Variants in PCDH7 observed in about 807,000 individuals in gnomAD.
PCDH7 encodes the protein protocadherin-7.
PCDH7 carries 17 observed loss-of-function variants against 58.9 expected under a neutral mutation model. The observed-to-expected ratio is 0.29, with a 90% CI of 0.20 to 0.43. PCDH7 has a LOEUF of 0.43. Ranked by LOEUF, PCDH7 falls within the 20% of genes least tolerant of loss-of-function variation. The pLI, the probability that PCDH7 is intolerant of heterozygous loss-of-function variation, is 1.00. For missense variants in PCDH7, 1,274 were observed against 1,441.0 expected (o/e 0.88, Z 1.88); for synonymous variants, 664 against 616.4 (o/e 1.08, Z -1.14).
chr4:31,082,904 C>G (rs567778831), intron 3 of PCDH7, among the ~76,000 whole-genome samples: 40 of 152,122 alleles, frequency 2.6e-4, no homozygotes, highest in South Asian at 8.3e-4. Flanking sequence ...GTCAGGAGAT[C>G]GAGACCATCC....
At chr4:30,729,889 C>T (rs1715234575) in intron 1 of PCDH7, among the ~76,000 whole-genome samples, 1 of 151,734 alleles carries the variant, frequency 6.6e-6, no homozygotes, top group South Asian at 2.1e-4. Context: ...GGCAGTTAAC[C>T]AATCTAGTGT....
intron 1 of PCDH7, among the ~76,000 whole-genome samples, chr4:30,787,781 G>C (rs1051199574): frequency 6.6e-6 from 1 of 152,024 alleles, no homozygotes; most frequent in Non-Finnish European, 1.5e-5. Context: ...ACTTATGTGT[G>C]CGTGTACAAG....
rs80328539 is a variant in PCDH7, at chr4:30,900,467, A to G, written c.71-19686A>G. On this transcript the variant is annotated intron_variant, in intron 1 of 3. Coordinates refer to the PCDH7 transcript ENST00000509759. ...GAGATAAAATTTATATTCTTGAAATATATACTACTTATGAAAGATTTTCTT... is the reference window on the plus strand; with the variant it reads ...GAGATAAAATTTATATTCTTGAAATGTATACTACTTATGAAAGATTTTCTT... Among the ~76,000 whole-genome samples, 254 of 152,278 alleles carry G rather than the reference A, an allele frequency of 1.7e-3. 1 individual carries two copies. The highest frequency in any genetic ancestry group is 5.8e-3 in the African/African-American group (240 of 41,546).
intron 3 of PCDH7, among the ~76,000 whole-genome samples, chr4:30,971,132 G>A (rs1042049022): frequency 6.6e-5 from 10 of 152,190 alleles, no homozygotes; most frequent in Non-Finnish European, 1.3e-4. Flanking sequence ...TTACAACTGT[G>A]TTAAGTTGAA....
intron 3 of PCDH7, among the ~76,000 whole-genome samples, chr4:31,083,169 G>T (rs1711833901): frequency 6.6e-6 from 1 of 151,994 alleles, no homozygotes; most frequent in African/African-American, 2.4e-5. Flanking sequence ...ACACTACTCA[G>T]GGGGCAGGTG....
At chr4:30,751,548 A>G (rs1718523648) in intron 1 of PCDH7, among the ~76,000 whole-genome samples, 1 of 152,182 alleles carries the variant, frequency 6.6e-6, no homozygotes, top group Non-Finnish European at 1.5e-5. Context: ...GAAAGTTTAT[A>G]GGTTATATAA....
chr4:30,926,869 A>G (rs1303552041), intron 2 of PCDH7, among the ~76,000 whole-genome samples: 9 of 152,204 alleles, frequency 5.9e-5, no homozygotes, highest in African/African-American at 2.4e-5. Context: ...GCTGCAAATT[A>G]TTCACATTAA....
intron 3 of PCDH7, among the ~76,000 whole-genome samples, chr4:31,074,719 A>G (rs6813610): frequency 0.13 from 16,867 of 130,158 alleles, 1,198 homozygotes; most frequent in East Asian, 0.28. Flanking sequence ...GGGGAGGTGG[A>G]GGTTGCAGTG....
intron 1 of PCDH7, among the ~76,000 whole-genome samples, chr4:30,884,288 C>A (rs1440269075): frequency 6.6e-6 from 1 of 152,052 alleles, no homozygotes; most frequent in Non-Finnish European, 1.5e-5. Context: ...AAGTATTTTG[C>A]ACAAGGTTAT....
chr4:31,008,594 T>A (rs1055224168), intron 3 of PCDH7, among the ~76,000 whole-genome samples: 1 of 151,284 alleles, frequency 6.6e-6, no homozygotes, highest in Non-Finnish European at 1.5e-5. Flanking sequence ...TCTTGTTAAT[T>A]TACAGGGTTT....
chr4:30,944,147 G>T, intron 2 of PCDH7, among the ~76,000 whole-genome samples: 1 of 151,892 alleles, frequency 6.6e-6, no homozygotes, highest in East Asian at 1.9e-4. Flanking sequence ...ATTCTCATAA[G>T]TGCACAAAAG....
At chr4:30,789,904 TG>T (rs1312512866) in intron 1 of PCDH7, among the ~76,000 whole-genome samples, 1 of 152,124 alleles carries the variant, frequency 6.6e-6, no homozygotes, top group Non-Finnish European at 1.5e-5. Context: ...GCCTCTATTT[TG>T]GGGGAAAAGA....
chr4:30,978,082 A>T (rs2109106133), intron 3 of PCDH7, among the ~76,000 whole-genome samples: 1 of 152,314 alleles, frequency 6.6e-6, no homozygotes, highest in Non-Finnish European at 1.5e-5. Flanking sequence ...GCAGTGAACT[A>T]AATATTATAT....
chr4:31,063,591 C>G (rs148647802), intron 3 of PCDH7, among the ~76,000 whole-genome samples: 1 of 151,848 alleles, frequency 6.6e-6, no homozygotes. Context: ...AGTTAAGTAA[C>G]TTGTAAAAGA....
intron 1 of PCDH7, among the ~76,000 whole-genome samples, chr4:30,873,091 C>A (rs896164460): frequency 1.3e-4 from 20 of 152,060 alleles, no homozygotes; most frequent in African/African-American, 4.8e-4. Flanking sequence ...CCTGAGTGTT[C>A]TTTTTGTGAT....
intron 2 of PCDH7, among the ~76,000 whole-genome samples, chr4:30,938,506 GCA>G (rs1455031584): frequency 2.1e-5 from 3 of 145,230 alleles, no homozygotes; most frequent in Admixed American, 6.8e-5. Context: ...ACACACACAC[GCA>G]CACACTCACA....
At chr4:31,051,767 A>C (rs1469565928) in intron 3 of PCDH7, among the ~76,000 whole-genome samples, 3 of 148,784 alleles carry the variant, frequency 2.0e-5, no homozygotes, top group Non-Finnish European at 4.4e-5. Flanking sequence ...GTAGAAAAAT[A>C]TTACACATTG....
At chr4:30,882,867 A>G (rs1737172235) in intron 1 of PCDH7, among the ~76,000 whole-genome samples, 1 of 152,168 alleles carries the variant, frequency 6.6e-6, no homozygotes, top group African/African-American at 2.4e-5. Context: ...ATATCTTCAT[A>G]GATCTGTGTT....
At chr4:30,940,747 A>C (rs1226287297) in intron 2 of PCDH7, among the ~76,000 whole-genome samples, 1 of 151,988 alleles carries the variant, frequency 6.6e-6, no homozygotes, top group Non-Finnish European at 1.5e-5. Flanking sequence ...TATGCTGTTT[A>C]TTAAGTTTGA....
Sources: allele counts gnomAD v4.1 joint callset (sites outside exome capture counted in the v4.1 genomes callset), GRCh38; gene constraint gnomAD v4.1.1; transcripts MANE v1.5; gene names NCBI Gene and HGNC (gene_info 2026-07-23, HGNC 2026-07-21).